The following RHBDF1 variants were observed in gnomAD, a reference collection of about 807,000 sequenced individuals.
RHBDF1 encodes the protein inactive rhomboid protein 1.
In RHBDF1, 80 loss-of-function variants were observed where a neutral mutation model predicts 98.6. That is an observed-to-expected ratio of 0.81 (90% confidence interval 0.68 to 0.98). RHBDF1 has a LOEUF of 0.98. Ranked by LOEUF, RHBDF1 falls within the 50% of genes least tolerant of loss-of-function variation. The pLI is 0.00. For synonymous variants in RHBDF1, 512 were observed against 486.8 expected (o/e 1.05, Z -0.68); for missense variants, 1,116 against 1,198.3 (o/e 0.93, Z 1.01).
Position 60,255 on chromosome 16 carries a change from T to A in RHBDF1, c.1683A>T (p.Glu561Asp). ...TGTCTTCTGGCCACTCATGAGGGTC[T>A]TCGGAGGAGGGCTCATCACACACCC... ...DPRVCDEPSS[E>D]DPHEWPEDIT... The change falls in exon 13 of 18, where the codon GAA becomes GAT. Residue 561 changes from glutamate to aspartate, a missense_variant. By Grantham distance (45) the Glu-to-Asp change is conservative. Coordinates refer to ENST00000262316, the MANE Select transcript of RHBDF1 (RefSeq NM_022450.5). The A allele has an allele frequency of 6.2e-7, 1 of 1,614,026 alleles. No homozygotes were observed. Among genetic ancestry groups the A allele is most frequent in the South Asian group, 1.1e-5 (1 of 91,074 alleles).
chr16:64,572 G>C (rs1171947089), intron 3 of RHBDF1, 127 bp downstream of exon 3: 4 of 1,542,454 alleles, frequency 2.6e-6, no homozygotes, highest in Non-Finnish European at 3.5e-6. Flanking sequence ...GGGGATGGTG[G>C]GGACCGAGAT....
At position 61,433 on chromosome 16, in the gene RHBDF1, C is replaced by T; in HGVS notation, c.1347G>A (p.Glu449=). 3 of 1,612,436 alleles carry T rather than the reference C, an allele frequency of 1.9e-6. No individual in the cohort carries two copies. The highest frequency in any genetic ancestry group is 2.5e-6 in the Non-Finnish European group (3 of 1,179,800). ...DSVLRNRGVY[E]NVKYVQQENF... The stretch of plus-strand genomic sequence containing the variant: ...TCTCCTGCTGCACGTACTTGACGTT[C>T]TCGTAGACCCCGCGGTTCCGCAGCA... Residue 449 remains glutamate, a synonymous_variant, in exon 10 of 18, where the codon GAG becomes GAA. Transcript: ENST00000262316.
rs773529964 is a variant in RHBDF1, at chr16:63,758, G to T, written c.291C>A (p.Ser97Arg). Residue 97 changes from serine to arginine, a missense_variant, in exon 4 of 18, where the codon AGC (serine) becomes AGA (arginine). Ser to Arg is a moderately radical substitution (Grantham distance 110). Coordinates refer to ENST00000262316, the MANE Select transcript of RHBDF1 (RefSeq NM_022450.5). The part of the protein sequence containing the change: ...DWFGVSKDSD[S>R]TQKWQRKSIR... ...TGCTCTTGCGCTGCCATTTCTGGGTGCTGTCACTGTCCTTGCTCACTCCAA... is the reference window on the plus strand; with the variant it reads ...TGCTCTTGCGCTGCCATTTCTGGGTTCTGTCACTGTCCTTGCTCACTCCAA... The T allele has an allele frequency of 1.2e-6, 2 of 1,613,990 alleles. No individual in the cohort carries two copies. Among genetic ancestry groups the T allele is most frequent in the Admixed American group, 3.3e-5 (2 of 60,024 alleles).
Position 58,639 on chromosome 16 carries a change from A to G in RHBDF1, c.2269T>C (p.Phe757Leu), listed in dbSNP as rs1386047491. 6.2e-7 allele frequency: 1 copy of G among 1,613,500 alleles called. No individual in the cohort carries two copies. The highest frequency in any genetic ancestry group is 1.3e-5 in the African/African-American group (1 of 75,058). ...AFFKLLAVVLFLFTFGLLPWI... is the reference protein window; with the variant it reads ...AFFKLLAVVLLLFTFGLLPWI... ...GGCAGCAGCCCAAAGGTGAAGAGGA[A>G]GAGCACCACAGCCAGCAGCTTGAAG... Residue 757 changes from phenylalanine (F) to leucine (L), a missense_variant, in exon 18 of 18, where the codon TTC becomes CTC. Phe to Leu is a conservative substitution (Grantham distance 22). Coordinates refer to ENST00000262316, the MANE Select transcript of RHBDF1 (RefSeq NM_022450.5).
chr16:59,988 G>C (rs1436509848), intron 13 of RHBDF1, 162 bp from the exon 14 acceptor site: 9 of 1,480,852 alleles, frequency 6.1e-6, no homozygotes, highest in African/African-American at 4.2e-5. Flanking sequence ...TATCAAACTG[G>C]AATAATGTCA....
At chr16:72,264 C>T (rs1266552881) in intron 1 of RHBDF1, among the ~76,000 whole-genome samples, 2 of 152,178 alleles carry the variant, frequency 1.3e-5, no homozygotes, top group Non-Finnish European at 2.9e-5. Context: ...ATTTTTGCGG[C>T]GCGCCGGGCT....
intron 4 of RHBDF1, 101 bp downstream of exon 4, chr16:63,486 G>T: frequency 9.5e-7 from 1 of 1,053,816 alleles, no homozygotes; most frequent in Non-Finnish European, 1.4e-6. Context: ...CAGACTGTGA[G>T]CTCCCAGAGA....
At chr16:71,679 C>T (rs1182178105) in intron 1 of RHBDF1, among the ~76,000 whole-genome samples, 1 of 152,192 alleles carries the variant, frequency 6.6e-6, no homozygotes, top group East Asian at 1.9e-4. Flanking sequence ...GCGGCACACA[C>T]AGAAGAAACT....
chr16:61,588 G>A lies in RHBDF1; in HGVS notation c.1317C>T (p.Asp439=), dbSNP rs1596467679. 8 of 1,613,218 alleles carry A rather than the reference G, an allele frequency of 5.0e-6. No homozygotes were observed. In the East Asian group the frequency reaches 1.8e-4, roughly 36 times the overall value. ...PVGFSQHETV[D]SVLRNRGVYE... ...CAGGGAAGGCACAGGGGCTCACCGA[G>A]TCCACCGTCTCATGCTGCGAGAAGC... Residue 439 remains aspartate, a synonymous_variant, in exon 9 of 18, where the codon GAC becomes GAT. Coordinates refer to ENST00000262316, the MANE Select transcript of RHBDF1 (RefSeq NM_022450.5).
rs1264493329 is a variant in RHBDF1, at chr16:61,207, G to A, written c.1470C>T (p.Arg490=). ...RQDPQVHSFI[R]SAREREKHSA... ...AGTGCTTCTCGCGCTCGCGCGCCGA[G>A]CGAATGAAGCTGTGCACCTGCGGGT... Residue 490 remains arginine, a synonymous_variant, in exon 11 of 18, where the codon CGC becomes CGT. Transcript: ENST00000262316. 6.5e-7 allele frequency: 1 copy of A among 1,545,230 alleles called. No individual in the cohort carries two copies.
Position 62,962 on chromosome 16 carries a change from C to T in RHBDF1, c.672+11G>A, listed in dbSNP as rs373606443. 245 of 1,612,060 alleles carry T rather than the reference C, an allele frequency of 1.5e-4. 1 individual carries two copies. Among genetic ancestry groups the T allele is most frequent in the Non-Finnish European group, 1.9e-4 (220 of 1,179,318 alleles). On this transcript the variant is annotated intron_variant, in intron 5 of 17. Coordinates refer to ENST00000262316, the MANE Select transcript of RHBDF1 (RefSeq NM_022450.5). ...TCGGCCCCCAACCCCGCCTTTGGCC[C>T]CTGCACCCACTTTCATCAGCGCTGC...
rs1897496129 is a variant in RHBDF1 at position 59,042 on chromosome 16, T to C, written c.2080A>G (p.Ile694Val). The C allele has an allele frequency of 1.2e-6, 2 of 1,613,456 alleles. No homozygotes were observed. The highest frequency in any genetic ancestry group is 1.7e-4 in the Middle Eastern group (1 of 6,058). Residue 694 changes from isoleucine to valine, a missense_variant, in exon 17 of 18, where the codon ATC becomes GTC. Physicochemically the swap from Ile to Val is conservative, Grantham distance 29. Transcript: ENST00000262316. Reference sequence around the variant, plus strand: ...GTGACACCACTCAGCAGGTAGATGATGGCTATGCGGTGCCAGCCTGCCAGC... The same window carrying C: ...GTGACACCACTCAGCAGGTAGATGACGGCTATGCGGTGCCAGCCTGCCAGC... ...EKLAGWHRIAIIYLLSGVTGN... is the reference protein window; with the variant it reads ...EKLAGWHRIAVIYLLSGVTGN...
chr16:59,680 G>A, intron 14 of RHBDF1, 52 bp downstream of exon 14: 1 of 1,601,750 alleles, frequency 6.2e-7, no homozygotes, highest in Non-Finnish European at 8.5e-7. Context: ...CACACCCTAG[G>A]GCGATGCTCT....
chr16:69,098 G>T (rs1424905423), intron 1 of RHBDF1, among the ~76,000 whole-genome samples: 1 of 152,188 alleles, frequency 6.6e-6, no homozygotes, highest in Non-Finnish European at 1.5e-5. Context: ...GAGCTGGGGG[G>T]TGAAAGGACC....
In RHBDF1 at chr16:59,324, CCA is replaced by C. The variant is rs1897513009; in HGVS notation, c.1917_1918del (p.Cys639TrpfsTer12). 6.2e-7 allele frequency: 1 copy of C among 1,612,124 alleles called. No homozygotes were observed. The highest frequency in any genetic ancestry group is 8.5e-7 in the Non-Finnish European group (1 of 1,179,016). On this transcript the variant is annotated frameshift_variant, in exon 16 of 18. Transcript: ENST00000262316. LOFTEE classifies it high-confidence loss of function. The stretch of plus-strand genomic sequence containing the variant: ...CTCGGGGTTGAGAAAAGGCAGGAGC[CCA>C]CACACATCATCCATGCAGTGCACCT...
intron 1 of RHBDF1, among the ~76,000 whole-genome samples, chr16:70,201 T>C (rs1488545429): frequency 6.6e-6 from 1 of 152,196 alleles, no homozygotes; most frequent in Non-Finnish European, 1.5e-5. Context: ...AGCAAGGACT[T>C]AGCTACACTA....
At position 65,555 on chromosome 16, in the gene RHBDF1, CAG is replaced by C. The variant is rs927004556; in HGVS notation, c.-24-518_-24-517del. 5.1e-4 allele frequency among the ~76,000 whole-genome samples: 78 copies of C among 152,256 alleles called. 1 individual carries two copies. The highest frequency in any genetic ancestry group is 5.1e-3 in the Admixed American group (78 of 15,298). On this transcript the variant is annotated intron_variant, in intron 1 of 17. Coordinates refer to ENST00000262316, the MANE Select transcript of RHBDF1 (RefSeq NM_022450.5). Reference sequence around the variant, plus strand: ...CTGGGGTTGCAGGGGTTTCCACACACAGGGGACAGCCGATCTGAGGTCTCAGT... The same window carrying C: ...CTGGGGTTGCAGGGGTTTCCACACACGGGACAGCCGATCTGAGGTCTCAGT...
At chr16:70,144 G>A (rs1257129029) in intron 1 of RHBDF1, among the ~76,000 whole-genome samples, 1 of 152,204 alleles carries the variant, frequency 6.6e-6, no homozygotes, top group Non-Finnish European at 1.5e-5. Flanking sequence ...GACACCAAGT[G>A]CAGCTCAGGG....
chr16:61,757 G>A (rs1054011240), intron 8 of RHBDF1, 41 bp downstream of exon 8: 3 of 1,612,304 alleles, frequency 1.9e-6, no homozygotes, highest in Admixed American at 1.7e-5. Context: ...CCCTCCCCCG[G>A]GAGCCTCCAT....
Sources: gnomAD v4.1 joint callset for allele counts (sites outside exome capture counted in the v4.1 genomes callset) on GRCh38, gnomAD v4.1.1 for gene constraint, MANE v1.5 for transcripts, NCBI Gene and HGNC (gene_info 2026-07-23, HGNC 2026-07-21) for gene names.